IST1: variants seen among roughly 807,000 people sequenced by gnomAD.
IST1 encodes IST1 homolog.
Under a neutral mutation model 37.0 loss-of-function variants are expected in IST1, and 23 were observed. The ratio of observed to expected loss-of-function variants is 0.62; its 90% CI spans 0.45 to 0.88. The LOEUF (loss-of-function observed/expected upper bound fraction) is 0.88, where lower values mean the gene tolerates loss of function less well. IST1 is among the 40% of genes least tolerant of loss of function. IST1 has a pLI of 0.00. For synonymous variants in IST1, 180 were observed against 161.7 expected (o/e 1.11, Z -0.86); for missense variants, 488 against 445.4 (o/e 1.10, Z -0.86).
At chr16:71,924,727 A>C in intron 8 of IST1, 42 bp from the exon 9 acceptor site, 1 of 1,471,850 alleles carries the variant, frequency 6.8e-7, no homozygotes, top group Non-Finnish European at 9.5e-7. Flanking sequence ...TTCTCCAGTG[A>C]CACTATTGCT....
At position 71,922,600 on chromosome 16, in the gene IST1, A is replaced by ACGGTGC. The variant is rs1259835619; in HGVS notation, c.681_686dup (p.Val228_Pro229dup). ...AGCACCAGTTGGTGGACCTGATGGA[A>ACGGTGC]CGGTGCCAATGCCCATGCCCATGCC... On this transcript the variant is annotated inframe_insertion, in exon 7 of 10. Transcript: ENST00000378799. 2 of 1,602,434 alleles carry ACGGTGC rather than the reference A, an allele frequency of 1.2e-6. No homozygotes were observed. Among genetic ancestry groups the ACGGTGC allele is most frequent in the East Asian group, 4.5e-5 (2 of 44,630 alleles).
At chr16:71,906,761 G>A (rs974813233) in intron 1 of IST1, among the ~76,000 whole-genome samples, 15 of 151,974 alleles carry the variant, frequency 9.9e-5, no homozygotes, top group Non-Finnish European at 2.9e-5. Context: ...CTTTAAAAAC[G>A]TTGTTTCGCT....
At position 71,927,678 on chromosome 16, in the gene IST1, C is replaced by T; in HGVS notation, c.966C>T (p.Asn322=). 2.5e-6 allele frequency: 4 copies of T among 1,613,974 alleles called. No homozygotes were observed. In the South Asian group the frequency reaches 3.3e-5, roughly 13 times the overall value. Residue 322 remains asparagine, a synonymous_variant, in exon 10 of 10, where the codon AAC becomes AAT. Transcript: ENST00000378799. ...CCAGACCTGCAGATAACTATGACAA[C>T]TTTGTCCTACCAGAGTTGCCATCTG... The part of the protein sequence containing the change: ...LPSRPADNYD[N]FVLPELPSVP...
chr16:71,900,327 CTTTT>C (rs201344260), intron 1 of IST1, among the ~76,000 whole-genome samples: 1 of 100,470 alleles, frequency 1.0e-5, no homozygotes, highest in Non-Finnish European at 1.8e-5. Context: ...CTTAGGAAGT[CTTTT>C]TTTTTTTTTT....
rs769070175 is a variant in IST1 at position 71,921,338 on chromosome 16, T to TA, written c.442-4dup. 5.7e-6 allele frequency: 9 copies of TA among 1,591,770 alleles called. No individual in the cohort carries two copies. The highest frequency in any genetic ancestry group is 2.2e-5 in the East Asian group (1 of 44,782). ...CATCTTAGCCCTGGGTCTTTTTACT[T>TA]ACAGCTAATGCACAAGCTGAGTGTG... On this transcript the variant is annotated splice_polypyrimidine_tract_variant and splice_region_variant and intron_variant, in intron 5 of 9. Transcript: ENST00000378799.
chr16:71,929,449 A>G lies in IST1; in HGVS notation c.*1636A>G, dbSNP rs1344254054. On this transcript the variant is annotated 3_prime_UTR_variant, in exon 10 of 10. Coordinates refer to ENST00000378799, the MANE Select transcript of IST1 (RefSeq NM_001270975.2). ...TGATTCCTAACTTACAGAATTAAAA[A>G]CAAAGTATATTATAATTTTAAAGCT... 3 of 1,291,670 alleles carry G rather than the reference A, an allele frequency of 2.3e-6. No individual in the cohort carries two copies. In the East Asian group the frequency reaches 7.8e-5, roughly 34 times the overall value. 80.0% of individuals were successfully genotyped at this position (1,291,670 alleles called of 1,614,324 possible). A position where few individuals can be genotyped will look rare whatever the true frequency, so the allele number is the denominator to read the frequency against.
chr16:71,924,927 G>C (rs916794935), intron 9 of IST1, 110 bp downstream of exon 9: 1 of 749,674 alleles, frequency 1.3e-6, no homozygotes, highest in Non-Finnish European at 2.4e-6. Flanking sequence ...ACTTCTATCT[G>C]CATGCCCTGT....
At chr16:71,923,260 C>T (rs1277416533) in intron 7 of IST1, 28 bp from the exon 8 acceptor site, 2 of 1,420,462 alleles carry the variant, frequency 1.4e-6, no homozygotes, top group Non-Finnish European at 2.0e-6. Context: ...GAGGCAGTGT[C>T]TCTGATGTTG....
chr16:71,930,332 A>G lies in IST1; in HGVS notation c.*2519A>G, dbSNP rs1383618154. On this transcript the variant is annotated 3_prime_UTR_variant, in exon 10 of 10. Coordinates refer to ENST00000378799, the MANE Select transcript of IST1 (RefSeq NM_001270975.2). ...GAGAGTCAAAAGATAATAAGAAGGA[A>G]AATACTTTTAAATGGACAGAAGAGC... is the stretch of plus-strand genomic sequence containing the variant. 1.4e-6 allele frequency: 1 copy of G among 695,994 alleles called. No homozygotes were observed. Among genetic ancestry groups the G allele is most frequent in the Non-Finnish European group, 2.2e-6 (1 of 462,338 alleles). The allele number at this position is 695,994 out of a possible 1,614,324, so 43.1% of individuals were successfully genotyped here.
chr16:71,929,607 T>A lies in IST1; in HGVS notation c.*1794T>A, dbSNP rs1282797140. On this transcript the variant is annotated 3_prime_UTR_variant, in exon 10 of 10. Transcript: ENST00000378799. ...TCGTGGCTGCTTGCTCAGATGAGGT[T>A]TTTTGGGGCCAACTGATTCCTAACA... is the stretch of plus-strand genomic sequence containing the variant. 6.4e-7 allele frequency: 1 copy of A among 1,551,718 alleles called. No homozygotes were observed. The highest frequency in any genetic ancestry group is 1.4e-5 in the African/African-American group (1 of 73,022).
chr16:71,905,997 C>G (rs987200195), intron 1 of IST1, among the ~76,000 whole-genome samples: 1 of 147,462 alleles, frequency 6.8e-6, no homozygotes, highest in Non-Finnish European at 1.5e-5. Context: ...ACTTCTTAAG[C>G]AATTCTTTTT....
chr16:71,922,822 G>C, intron 7 of IST1, 142 bp downstream of exon 7: 1 of 678,092 alleles, frequency 1.5e-6, no homozygotes, highest in Non-Finnish European at 2.5e-6. Context: ...TCATCTTGTG[G>C]GGAAAAAACA....
At chr16:71,917,325 G>C (rs539091872) in intron 4 of IST1, among the ~76,000 whole-genome samples, 191 bp downstream of exon 4, 2 of 152,268 alleles carry the variant, frequency 1.3e-5, no homozygotes, top group East Asian at 1.9e-4. Context: ...TTGCAAACTT[G>C]AGCAGTTTTT....
chr16:71,896,036 C>A (rs1024462547), intron 1 of IST1, among the ~76,000 whole-genome samples: 2 of 152,184 alleles, frequency 1.3e-5, no homozygotes. Flanking sequence ...CAGTCCGGGC[C>A]GCTTCCACCG....
chr16:71,909,259 C>T (rs568498733), intron 1 of IST1, among the ~76,000 whole-genome samples: 5 of 151,984 alleles, frequency 3.3e-5, no homozygotes, highest in African/African-American at 1.2e-4. Context: ...AGGCGTGCAC[C>T]CCCACAGCCA....
At chr16:71,927,474 G>A in intron 9 of IST1, 140 bp from the exon 10 acceptor site, 1 of 656,110 alleles carries the variant, frequency 1.5e-6, no homozygotes, top group Non-Finnish European at 2.6e-6. Flanking sequence ...GGGTGACAGA[G>A]GGAGACTGTC....
intron 1 of IST1, among the ~76,000 whole-genome samples, chr16:71,901,706 C>T (rs984934736): frequency 2.6e-5 from 4 of 152,102 alleles, no homozygotes; most frequent in Non-Finnish European, 5.9e-5. Flanking sequence ...TAGCAAATTG[C>T]TTTTCTTTCC....
chr16:71,921,112 G>A, intron 5 of IST1: 1 of 597,052 alleles, frequency 1.7e-6, no homozygotes. Flanking sequence ...ACTGTGGAAG[G>A]CAGCAGTATC....
intron 5 of IST1, 83 bp downstream of exon 5, chr16:71,920,905 C>T (rs2037564467): frequency 5.2e-6 from 5 of 955,636 alleles, no homozygotes; most frequent in Non-Finnish European, 8.6e-6. Context: ...GTGGGTACCA[C>T]TGTATTGCTC....
Sources: gnomAD v4.1 joint callset for allele counts (sites outside exome capture counted in the v4.1 genomes callset) on GRCh38, gnomAD v4.1.1 for gene constraint, MANE v1.5 for transcripts, NCBI Gene and HGNC (gene_info 2026-07-23, HGNC 2026-07-21) for gene names.